Variants in PCDHA2 observed in about 807,000 individuals in gnomAD.
PCDHA2 encodes protocadherin alpha 2, also known as protocadherin alpha-2.
PCDHA2 carries 58 observed loss-of-function variants against 66.0 expected under a neutral mutation model. The observed-to-expected ratio is 0.88, with a 90% confidence interval of 0.71 to 1.09. The LOEUF (loss-of-function observed/expected upper bound fraction) is 1.09. Among genes scored for constraint, PCDHA2 ranks in the 50% least tolerant of loss-of-function variants. The pLI is 0.00. For synonymous variants in PCDHA2, 634 were observed against 554.0 expected, an observed-to-expected ratio of 1.14 and a Z score of -2.03; for missense variants, 1,267 against 1,242.3, an observed-to-expected ratio of 1.02 and a Z score of -0.30.
At chr5:140,956,717 A>C (rs2153710827) in intron 1 of PCDHA2, among the ~76,000 whole-genome samples, 1 of 152,308 alleles carries the variant, frequency 6.6e-6, no homozygotes. Flanking sequence ...CTTCAGAAGA[A>C]TTGGTACCAG....
Position 140,850,649 on chromosome 5 carries a change from C to T in PCDHA2, c.2388+53297C>T, listed in dbSNP as rs1413606456. The T allele has an allele frequency of 2.5e-6, 4 of 1,598,500 alleles. 1 individual carries two copies. Among genetic ancestry groups the T allele is most frequent in the Non-Finnish European group, 2.6e-6 (3 of 1,167,902 alleles). ...TGTTGGTTCTCACGCTGCTGCTGTA[C>T]ACTGTGCTGCGGTGCTCGGCGATGC... On this transcript the variant is annotated intron_variant, in intron 1 of 3. Transcript: ENST00000526136.
At chr5:140,870,535 G>C (rs1279597936) in intron 1 of PCDHA2, 2 of 1,614,056 alleles carry the variant, frequency 1.2e-6, no homozygotes, top group Non-Finnish European at 8.5e-7. Context: ...CACAGTGTCG[G>C]CGCGGGACGC....
At chr5:140,899,704 T>C (rs2067500536) in intron 1 of PCDHA2, among the ~76,000 whole-genome samples, 1 of 152,242 alleles carries the variant, frequency 6.6e-6, no homozygotes, top group Non-Finnish European at 1.5e-5. Context: ...TAAAATGAGT[T>C]AGGGAGGATT....
intron 1 of PCDHA2, among the ~76,000 whole-genome samples, chr5:140,941,846 C>T (rs2093181493): frequency 6.6e-6 from 1 of 152,178 alleles, no homozygotes; most frequent in Non-Finnish European, 1.5e-5. Flanking sequence ...CTGCCATTAC[C>T]TGATATTCCC....
intron 1 of PCDHA2, among the ~76,000 whole-genome samples, chr5:140,960,822 T>C (rs1225829114): frequency 4.6e-5 from 7 of 152,080 alleles, no homozygotes; most frequent in African/African-American, 1.7e-4. Context: ...AAGTGATGAA[T>C]GGAAACTTGG....
chr5:140,856,592 A>G lies in PCDHA2; in HGVS notation c.2388+59240A>G, dbSNP rs782076669. The G allele has an allele frequency of 1.2e-5, 19 of 1,597,836 alleles. 1 individual carries two copies. The highest frequency in any genetic ancestry group is 8.6e-6 in the Non-Finnish European group (10 of 1,167,414). On this transcript the variant is annotated intron_variant, in intron 1 of 3. Transcript: ENST00000526136. ...AAATGAGTATTTTGTTCTTGATATTATAAACAAAAAAGACAAAGACAAATT... is the reference window on the plus strand; with the variant it reads ...AAATGAGTATTTTGTTCTTGATATTGTAAACAAAAAAGACAAAGACAAATT...
intron 1 of PCDHA2, chr5:140,928,846 C>A: frequency 1.2e-6 from 2 of 1,614,192 alleles, no homozygotes; most frequent in Non-Finnish European, 1.7e-6. Context: ...CTCTGTCACT[C>A]TGGGTGTGCT....
At chr5:140,809,109 A>G (rs1764366796) in intron 1 of PCDHA2, 1 of 1,613,816 alleles carries the variant, frequency 6.2e-7, no homozygotes, top group Admixed American at 1.7e-5. Flanking sequence ...GACGAAACGG[A>G]CGCTCCGCGC....
intron 1 of PCDHA2, among the ~76,000 whole-genome samples, chr5:140,820,198 A>G (rs1000135835): frequency 7.9e-5 from 12 of 151,974 alleles, no homozygotes; most frequent in African/African-American, 2.9e-4. Context: ...TTTGTGTTTC[A>G]ACGATCCAAA....
intron 1 of PCDHA2, chr5:140,858,303 G>A: frequency 6.3e-7 from 1 of 1,597,370 alleles, no homozygotes; most frequent in South Asian, 1.1e-5. Context: ...TCGCAGCAGA[G>A]GCGGCAGAGG....
chr5:140,905,396 C>T (rs913640299), intron 1 of PCDHA2, among the ~76,000 whole-genome samples: 1 of 152,080 alleles, frequency 6.6e-6, no homozygotes, highest in Non-Finnish European at 1.5e-5. Flanking sequence ...GGTCTGTGTG[C>T]CTATTTTTAT....
intron 1 of PCDHA2, among the ~76,000 whole-genome samples, chr5:140,888,308 G>A (rs1383199158): frequency 1.3e-5 from 2 of 152,106 alleles, no homozygotes; most frequent in Non-Finnish European, 2.9e-5. Flanking sequence ...AGATAATTTG[G>A]CAATGCCTGG....
chr5:140,896,540 T>C (rs1372765271), intron 1 of PCDHA2, among the ~76,000 whole-genome samples: 1 of 151,560 alleles, frequency 6.6e-6, no homozygotes, highest in Non-Finnish European at 1.5e-5. Flanking sequence ...ATTTTTCTTT[T>C]TTTTTTTTGT....
At chr5:140,920,611 C>T (rs919244668) in intron 1 of PCDHA2, among the ~76,000 whole-genome samples, 4 of 152,068 alleles carry the variant, frequency 2.6e-5, no homozygotes, top group Non-Finnish European at 5.9e-5. Flanking sequence ...TTTGGGAGGC[C>T]GAGGCGGATG....
At position 140,859,135 on chromosome 5, in the gene PCDHA2, A is replaced by G. The variant is rs571097776; in HGVS notation, c.2388+61783A>G. On this transcript the variant is annotated intron_variant, in intron 1 of 3. Coordinates refer to ENST00000526136, the MANE Select transcript of PCDHA2 (RefSeq NM_018905.3). Reference sequence around the variant, plus strand: ...AAATGTATGTTTCTTTTATTTACATAATTTTATCCAGTAGCTCTTCATTAT... The same window carrying G: ...AAATGTATGTTTCTTTTATTTACATGATTTTATCCAGTAGCTCTTCATTAT... The G allele has an allele frequency of 4.0e-5, 6 of 150,216 alleles. No homozygotes were observed. In the East Asian group the frequency reaches 1.2e-3, roughly 29 times the overall value. 9.3% of individuals were successfully genotyped at this position (150,216 alleles called of 1,614,324 possible). A position where few individuals can be genotyped will look rare whatever the true frequency, so the allele number is the denominator to read the frequency against.
chr5:140,848,861 G>C, intron 1 of PCDHA2: 1 of 1,590,758 alleles, frequency 6.3e-7, no homozygotes, highest in Non-Finnish European at 8.6e-7. Flanking sequence ...TGGACGTGGA[G>C]GTGAAGGACA....
intron 1 of PCDHA2, among the ~76,000 whole-genome samples, chr5:140,890,896 T>A (rs2062845405): frequency 6.6e-6 from 1 of 152,182 alleles, no homozygotes; most frequent in African/African-American, 2.4e-5. Context: ...ATTATTGTCT[T>A]TCCATGTTAG....
At chr5:140,968,995 A>G in intron 1 of PCDHA2, 2 of 1,614,200 alleles carry the variant, frequency 1.2e-6, no homozygotes, top group Non-Finnish European at 1.7e-6. Flanking sequence ...CATGCTGTGG[A>G]GGCTTCTGTG....
Position 140,979,718 on chromosome 5 carries a change from T to C in PCDHA2, c.2447+711T>C, listed in dbSNP as rs372148471. Among the ~76,000 whole-genome samples, 17 of 152,388 alleles carry C rather than the reference T, an allele frequency of 1.1e-4. No homozygotes were observed. The East Asian group carries it at 2.7e-3, about 24-fold the overall frequency. On this transcript the variant is annotated intron_variant, in intron 2 of 3. Transcript: ENST00000526136. ...ATTTCTGGAGGTGATCCAGTATCCA[T>C]GCCATGGGGCCAAATAAAAGATTCA...
Sources: gnomAD v4.1 joint callset for allele counts (sites outside exome capture counted in the v4.1 genomes callset) on GRCh38, gnomAD v4.1.1 for gene constraint, MANE v1.5 for transcripts, NCBI Gene and HGNC (gene_info 2026-07-23, HGNC 2026-07-21) for gene names.